DYNC1I2: variants seen among roughly 807,000 people sequenced by gnomAD.
The protein encoded by DYNC1I2 is dynein cytoplasmic 1 intermediate chain 2.
In DYNC1I2, 53 loss-of-function variants were observed where a neutral mutation model predicts 88.6. The ratio of observed to expected loss-of-function variants is 0.60; its 90% CI spans 0.48 to 0.75. DYNC1I2 has a LOEUF of 0.75. Among genes scored for constraint, DYNC1I2 ranks in the 30% least tolerant of loss-of-function variants. DYNC1I2 has a pLI of 0.00. For synonymous variants in DYNC1I2, 198 were observed against 254.6 expected, an observed-to-expected ratio of 0.78 and a Z score of 2.12; for missense variants, 458 against 766.6, an observed-to-expected ratio of 0.60 and a Z score of 4.75.
chr2:171,744,058 C>G lies in DYNC1I2; in HGVS notation c.1546C>G (p.Pro516Ala), dbSNP rs767705533. Residue 516 changes from proline to alanine, a missense_variant, in exon 16 of 18, where the codon CCT becomes GCT. Pro to Ala is a conservative substitution (Grantham distance 27). Around this residue, in one of 5 missense-constraint regions of DYNC1I2, gnomAD observed 188 missense variants for 300.4 expected, o/e 0.63. Coordinates refer to ENST00000397119, the MANE Select transcript of DYNC1I2 (RefSeq NM_001378.3). ...AACTTTTCTCTTTCAGAATAACAAG[C>G]CTTTGTATTCATTTGAAGATAATGC... is the stretch of plus-strand genomic sequence containing the variant. ...VKLWTTKNNK[P>A]LYSFEDNADY... 1.5e-4 allele frequency: 247 copies of G among 1,609,448 alleles called. 4 individuals carry two copies. In the South Asian group the frequency reaches 2.2e-3, roughly 14 times the overall value.
chr2:171,707,079 T>C, intron 4 of DYNC1I2: 2 of 685,662 alleles, frequency 2.9e-6, no homozygotes. Flanking sequence ...GCCAGAAAAA[T>C]TGCATGAATC....
chr2:171,712,964 C>A, intron 6 of DYNC1I2, 138 bp downstream of exon 6: 1 of 693,090 alleles, frequency 1.4e-6, no homozygotes, highest in Non-Finnish European at 2.5e-6. Flanking sequence ...TGTGACACCT[C>A]ATTTATCCAG....
Position 171,728,637 on chromosome 2 carries a change from C to T in DYNC1I2, c.1258-80C>T, listed in dbSNP as rs1045886455. 5 of 1,225,790 alleles carry T rather than the reference C, an allele frequency of 4.1e-6. No homozygotes were observed. The African/African-American group carries it at 7.8e-5, about 19-fold the overall frequency. 75.9% of individuals were successfully genotyped at this position (1,225,790 alleles called of 1,614,324 possible). On this transcript the variant is annotated intron_variant, in intron 13 of 17. Transcript: ENST00000397119. Reference sequence around the variant, plus strand: ...ATGTAAATAATAAAAGAATTGTTTACAATCAAAGACTAGAAGTTTTTCTAC... The same window carrying T: ...ATGTAAATAATAAAAGAATTGTTTATAATCAAAGACTAGAAGTTTTTCTAC...
intron 11 of DYNC1I2, among the ~76,000 whole-genome samples, chr2:171,727,546 TAACTG>T (rs1234462415): frequency 6.6e-6 from 1 of 152,164 alleles, no homozygotes; most frequent in Non-Finnish European, 1.5e-5. Flanking sequence ...ATACTGTAGT[TAACTG>T]AAATAACTTT....
chr2:171,690,038 T>C, intron 1 of DYNC1I2, 109 bp from the exon 2 acceptor site: 1 of 576,272 alleles, frequency 1.7e-6, no homozygotes, highest in Non-Finnish European at 2.8e-6. Flanking sequence ...TTTTGTGCTT[T>C]TTTGAGATAG....
intron 13 of DYNC1I2, 146 bp downstream of exon 13, chr2:171,728,564 CAT>C: frequency 3.9e-5 from 32 of 827,192 alleles, no homozygotes; most frequent in African/African-American, 5.3e-5. Flanking sequence ...AAGTTTGTTT[CAT>C]ATATATATAT....
intron 15 of DYNC1I2, among the ~76,000 whole-genome samples, chr2:171,731,718 C>CT (rs1255556172): frequency 1.3e-5 from 2 of 152,074 alleles, no homozygotes; most frequent in Non-Finnish European, 2.9e-5. Flanking sequence ...GTGGGTGTGT[C>CT]TGAGTGTGCC....
chr2:171,722,464 T>C (rs1380201936), intron 7 of DYNC1I2, among the ~76,000 whole-genome samples: 1 of 152,158 alleles, frequency 6.6e-6, no homozygotes, highest in Admixed American at 6.5e-5. Context: ...TATTCATCAA[T>C]AAATTGATGT....
chr2:171,735,367 A>G (rs527319235), intron 15 of DYNC1I2, among the ~76,000 whole-genome samples: 44 of 152,310 alleles, frequency 2.9e-4, no homozygotes, highest in African/African-American at 1.0e-3. Flanking sequence ...CTGAAAATTC[A>G]AAGTCTGAAA....
chr2:171,721,965 T>G (rs981914277), intron 7 of DYNC1I2, among the ~76,000 whole-genome samples: 25 of 152,182 alleles, frequency 1.6e-4, no homozygotes, highest in African/African-American at 6.0e-4. Flanking sequence ...TTTAAATGTC[T>G]TGTAATATTT....
At chr2:171,709,096 A>C (rs1055724594) in intron 5 of DYNC1I2, among the ~76,000 whole-genome samples, 18 of 152,190 alleles carry the variant, frequency 1.2e-4, no homozygotes, top group Non-Finnish European at 2.5e-4. Flanking sequence ...CCAAGATTAA[A>C]AATTACTATA....
Position 171,692,879 on chromosome 2 carries a change from C to G in DYNC1I2, c.211C>G (p.Pro71Ala). Reference protein sequence around the residue: ...EALLQSMGLTPESPIVFSEYW... With the variant: ...EALLQSMGLTAESPIVFSEYW... ...ATTGCTTCAAAGCATGGGGCTAACT[C>G]CAGAATCCCCCATTGGTAAGGTTAA... The change falls in exon 3 of 18, where the codon CCA (proline) becomes GCA (alanine). Residue 71 changes from proline to alanine, a missense_variant. Around this residue, in one of 5 missense-constraint regions of DYNC1I2, gnomAD observed 55 missense variants for 57.1 expected, o/e 0.96. Transcript: ENST00000397119. 1 of 1,596,254 alleles carries G rather than the reference C, an allele frequency of 6.3e-7. No homozygotes were observed. Among genetic ancestry groups the G allele is most frequent in the Non-Finnish European group, 8.5e-7 (1 of 1,170,182 alleles).
chr2:171,726,744 T>C, intron 10 of DYNC1I2, 47 bp from the exon 11 acceptor site: 1 of 1,600,522 alleles, frequency 6.2e-7, no homozygotes, highest in Non-Finnish European at 8.5e-7. Flanking sequence ...TATAAAACAG[T>C]TCTTATTATG....
At position 171,700,282 on chromosome 2, in the gene DYNC1I2, G is replaced by A. The variant is rs149309424; in HGVS notation, c.227-6265G>A. Among the ~76,000 whole-genome samples the A allele has an allele frequency of 1.5e-3, 225 of 152,236 alleles. 1 individual carries two copies. Among genetic ancestry groups the A allele is most frequent in the Non-Finnish European group, 2.1e-3 (145 of 68,002 alleles). On this transcript the variant is annotated intron_variant, in intron 3 of 17. Coordinates refer to ENST00000397119, the MANE Select transcript of DYNC1I2 (RefSeq NM_001378.3). ...CTGGGTTCTCCCAGAGTGAGCAATC[G>A]AAGAGAAAAAGAGAGTCAGAAGAAA...
intron 15 of DYNC1I2, among the ~76,000 whole-genome samples, chr2:171,739,488 C>A (rs980914622): frequency 6.6e-6 from 1 of 151,986 alleles, no homozygotes; most frequent in African/African-American, 2.4e-5. Context: ...CCTATACATA[C>A]CATTTCAACT....
At chr2:171,705,660 G>A (rs2105532606) in intron 3 of DYNC1I2, among the ~76,000 whole-genome samples, 1 of 152,094 alleles carries the variant, frequency 6.6e-6, no homozygotes, top group East Asian at 1.9e-4. Context: ...GACAAAAAAT[G>A]AAGAAATGTA....
intron 15 of DYNC1I2, among the ~76,000 whole-genome samples, chr2:171,740,065 T>C (rs1299163014): frequency 6.6e-6 from 1 of 152,146 alleles, no homozygotes; most frequent in African/African-American, 2.4e-5. Context: ...TCCCTCTTTT[T>C]TTTCTTGCTG....
chr2:171,696,124 T>A (rs1685749643), intron 3 of DYNC1I2, among the ~76,000 whole-genome samples: 7 of 152,238 alleles, frequency 4.6e-5, no homozygotes, highest in Admixed American at 4.6e-4. Flanking sequence ...TCTGTTTTAG[T>A]CTTTTTAAAA....
chr2:171,744,494 G>C (rs1414343048), intron 16 of DYNC1I2, among the ~76,000 whole-genome samples: 2 of 152,166 alleles, frequency 1.3e-5, no homozygotes, highest in Non-Finnish European at 2.9e-5. Context: ...TCATTCATAA[G>C]CTAGAAAGCA....
Sources: allele counts gnomAD v4.1 joint callset (sites outside exome capture counted in the v4.1 genomes callset), GRCh38; gene constraint gnomAD v4.1.1; regional missense constraint gnomAD v4.1.1; transcripts MANE v1.5; gene names NCBI Gene and HGNC (gene_info 2026-07-23, HGNC 2026-07-21).